Variants in KCNIP4 observed in about 807,000 individuals in gnomAD.
KCNIP4 encodes the protein Kv channel-interacting protein 4.
KCNIP4 carries 12 observed loss-of-function variants against 34.0 expected under a neutral mutation model. The observed-to-expected ratio is 0.35, with a 90% CI of 0.23 to 0.57. KCNIP4 has a LOEUF of 0.57. Ranked by LOEUF, KCNIP4 falls within the 20% of genes least tolerant of loss-of-function variation. The pLI is 0.83. For missense variants in KCNIP4, 238 were observed against 311.7 expected, an observed-to-expected ratio of 0.76 and a Z score of 1.78; for synonymous variants, 124 against 102.2, an observed-to-expected ratio of 1.21 and a Z score of -1.29.
chr4:21,751,541 T>C (rs1192419101), intron 1 of KCNIP4, among the ~76,000 whole-genome samples: 3 of 152,148 alleles, frequency 2.0e-5, no homozygotes, highest in East Asian at 1.9e-4. Context: ...TTGCTGACAA[T>C]TGTTGAAGCT....
chr4:21,494,140 T>C (rs1051603377), intron 1 of KCNIP4, among the ~76,000 whole-genome samples: 1 of 152,156 alleles, frequency 6.6e-6, no homozygotes, highest in Admixed American at 6.5e-5. Flanking sequence ...GTCAGCACAC[T>C]AGGAATCTGA....
intron 1 of KCNIP4, among the ~76,000 whole-genome samples, chr4:21,944,556 CA>C (rs5856680): frequency 0.026 from 2,725 of 104,256 alleles, 27 homozygotes; most frequent in African/African-American, 0.07. Context: ...GACTCCGTCT[CA>C]AAAAAAAAAA....
intron 1 of KCNIP4, among the ~76,000 whole-genome samples, chr4:20,906,801 G>A (rs1727816677): frequency 6.6e-6 from 1 of 152,160 alleles, no homozygotes; most frequent in Non-Finnish European, 1.5e-5. Context: ...ATATTGTAGT[G>A]AGACTTCATG....
At position 21,510,732 on chromosome 4, in the gene KCNIP4, G is replaced by T. The variant is rs547805289; in HGVS notation, c.61+437839C>A. Among the ~76,000 whole-genome samples the T allele has an allele frequency of 1.9e-4, 29 of 152,008 alleles. 1 individual carries two copies. In the South Asian group the frequency reaches 5.6e-3, roughly 29 times the overall value. ...TTAAGTAAACTAATAGATTTAAATT[G>T]TTTGGCCAGGCATGGTGGCTCATGC... On this transcript the variant is annotated intron_variant, in intron 1 of 8. Coordinates refer to ENST00000382152, the MANE Select transcript of KCNIP4 (RefSeq NM_025221.6).
intron 1 of KCNIP4, among the ~76,000 whole-genome samples, chr4:21,303,572 C>T (rs1017843051): frequency 9.2e-5 from 14 of 152,178 alleles, no homozygotes; most frequent in African/African-American, 3.1e-4. Flanking sequence ...TTTGTTCTGA[C>T]ATTTTTGATC....
At position 21,724,475 on chromosome 4, in the gene KCNIP4, T is replaced by C. The variant is rs149624278; in HGVS notation, c.61+224096A>G. On this transcript the variant is annotated intron_variant, in intron 1 of 8. Transcript: ENST00000382152. ...ACATCATCTAGGAATGTAAGTGAGT[T>C]ACAACACTAAAGTGCAATATTTCTG... Among the ~76,000 whole-genome samples, 983 of 152,150 alleles carry C rather than the reference T, an allele frequency of 6.5e-3. 18 individuals are homozygous for C. Among genetic ancestry groups the C allele is most frequent in the African/African-American group, 0.022 (929 of 41,524 alleles).
At chr4:21,881,267 T>A (rs373476998) in intron 1 of KCNIP4, among the ~76,000 whole-genome samples, 10 of 152,138 alleles carry the variant, frequency 6.6e-5, no homozygotes, top group African/African-American at 2.4e-4. Flanking sequence ...TATATTGAAA[T>A]AATGCAAATG....
rs375289410 is a variant in KCNIP4, at chr4:21,569,826, G to T, written c.61+378745C>A. Reference sequence around the variant, plus strand: ...AAAGAAAGAATGAACGAATCTGAAAGGAGAAGCTCCCTGCAGTTGGTAGTT... The same window carrying T: ...AAAGAAAGAATGAACGAATCTGAAATGAGAAGCTCCCTGCAGTTGGTAGTT... On this transcript the variant is annotated intron_variant, in intron 1 of 8. Coordinates refer to ENST00000382152, the MANE Select transcript of KCNIP4 (RefSeq NM_025221.6). Among the ~76,000 whole-genome samples the T allele has an allele frequency of 3.3e-5, 5 of 152,068 alleles. No individual in the cohort carries two copies. The East Asian group carries it at 9.7e-4, about 29-fold the overall frequency.
At chr4:21,914,257 G>C (rs1251118161) in intron 1 of KCNIP4, among the ~76,000 whole-genome samples, 2 of 152,194 alleles carry the variant, frequency 1.3e-5, no homozygotes, top group African/African-American at 4.8e-5. Context: ...AAAGTAGTGG[G>C]AAAGAGGGAG....
intron 1 of KCNIP4, among the ~76,000 whole-genome samples, chr4:21,939,285 T>G (rs1053289674): frequency 6.6e-6 from 1 of 152,190 alleles, no homozygotes; most frequent in African/African-American, 2.4e-5. Context: ...TAACTTTAAC[T>G]AGAGGACTTA....
chr4:21,762,860 G>C, intron 1 of KCNIP4: 1 of 1,074,296 alleles, frequency 9.3e-7, no homozygotes, highest in Non-Finnish European at 1.2e-6. Context: ...AGAAAGGAAA[G>C]GAGAATCCCA....
chr4:21,772,934 T>C (rs1232925826), intron 1 of KCNIP4, among the ~76,000 whole-genome samples: 2 of 152,178 alleles, frequency 1.3e-5, no homozygotes, highest in Non-Finnish European at 2.9e-5. Flanking sequence ...TATGCTCTGA[T>C]CTTGGTTATT....
chr4:20,796,803 A>T (rs866962654), intron 3 of KCNIP4, among the ~76,000 whole-genome samples: 14 of 152,212 alleles, frequency 9.2e-5, no homozygotes, highest in Admixed American at 2.0e-4. Flanking sequence ...ATGGAAAAAA[A>T]CAGATTCCAT....
At position 21,896,981 on chromosome 4, in the gene KCNIP4, C is replaced by T. The variant is rs1455079387; in HGVS notation, c.61+51590G>A. Among the ~76,000 whole-genome samples, 7 of 150,490 alleles carry T rather than the reference C, an allele frequency of 4.7e-5. No individual in the cohort carries two copies. The East Asian group carries it at 1.4e-3, about 29-fold the overall frequency. On this transcript the variant is annotated intron_variant, in intron 1 of 8. Coordinates refer to ENST00000382152, the MANE Select transcript of KCNIP4 (RefSeq NM_025221.6). ...TAAATAAATAAATAAATATTTTAAT[C>T]ATGAAAATAACATGCTTATATTTGT...
intron 1 of KCNIP4, among the ~76,000 whole-genome samples, chr4:21,923,438 C>T (rs886307273): frequency 6.6e-6 from 1 of 151,896 alleles, no homozygotes; most frequent in African/African-American, 2.4e-5. Context: ...AAAAATTAGC[C>T]GGAGTGGTGG....
rs1218678727 is a variant in KCNIP4, at chr4:20,728,777, A to AGAATAGATACCTGATTTATTGTTGC, written c.*1280_*1304dup. On this transcript the variant is annotated 3_prime_UTR_variant, in exon 9 of 9. Coordinates refer to ENST00000382152, the MANE Select transcript of KCNIP4 (RefSeq NM_025221.6). The stretch of plus-strand genomic sequence containing the variant: ...GCTTTCAACATCCTATCTCTACACC[A>AGAATAGATACCTGATTTATTGTTGC]GAATAGATACCTGATTTATTGTTGC... 23 of 152,730 alleles carry AGAATAGATACCTGATTTATTGTTGC rather than the reference A, an allele frequency of 1.5e-4. No homozygotes were observed. Among genetic ancestry groups the AGAATAGATACCTGATTTATTGTTGC allele is most frequent in the Non-Finnish European group, 2.8e-4 (19 of 68,026 alleles). The allele number at this position is 152,730 out of a possible 1,614,324, so 9.5% of individuals were successfully genotyped here.
At chr4:20,912,635 C>G (rs1728435688) in intron 1 of KCNIP4, among the ~76,000 whole-genome samples, 1 of 152,112 alleles carries the variant, frequency 6.6e-6, no homozygotes, top group Admixed American at 6.5e-5. Context: ...AATCATATGT[C>G]TGGTAGGAAT....
chr4:21,401,962 C>T (rs767713066), intron 1 of KCNIP4, among the ~76,000 whole-genome samples: 6 of 152,140 alleles, frequency 3.9e-5, no homozygotes, highest in Non-Finnish European at 7.4e-5. Flanking sequence ...TGACTTTTCC[C>T]TGAAGCACAC....
chr4:21,640,266 C>T (rs551224708), intron 1 of KCNIP4, among the ~76,000 whole-genome samples: 171 of 152,300 alleles, frequency 1.1e-3, no homozygotes, highest in African/African-American at 4.0e-3. Flanking sequence ...CAGCCCCTGC[C>T]ACCCCAGGAT....
Sources: gnomAD v4.1 joint callset for allele counts (sites outside exome capture counted in the v4.1 genomes callset) on GRCh38, gnomAD v4.1.1 for gene constraint, MANE v1.5 for transcripts, NCBI Gene and HGNC (gene_info 2026-07-23, HGNC 2026-07-21) for gene names.